The following DNAH8 variants were observed in gnomAD, a reference collection of about 807,000 sequenced individuals.
DNAH8 encodes axonemal beta dynein heavy chain 8.
A neutral mutation model predicts 562.1 loss-of-function variants in DNAH8; 382 were observed. That is an observed-to-expected ratio of 0.68 (90% CI 0.63 to 0.74). The LOEUF (loss-of-function observed/expected upper bound fraction) is 0.74. Ranked by LOEUF, DNAH8 falls within the 30% of genes least tolerant of loss-of-function variation. The pLI, the probability that DNAH8 is intolerant of heterozygous loss-of-function variation, is 0.00. For missense variants in DNAH8, 5,203 were observed against 5,620.4 expected (o/e 0.93, Z 2.37); for synonymous variants, 1,881 against 1,919.4 (o/e 0.98, Z 0.52).
At chr6:38,761,065 A>ATT (rs59866789) in intron 10 of DNAH8, among the ~76,000 whole-genome samples, 9 of 143,982 alleles carry the variant, frequency 6.3e-5, no homozygotes, top group South Asian at 4.4e-4. Context: ...TTTGCTCTTC[A>ATT]TTTTTTTTTT....
intron 17 of DNAH8, 139 bp downstream of exon 17, chr6:38,783,278 T>C: frequency 1.6e-6 from 1 of 629,166 alleles, no homozygotes; most frequent in Non-Finnish European, 2.6e-6. Flanking sequence ...GCTACAGTGG[T>C]TTATTTGTTT....
intron 33 of DNAH8, among the ~76,000 whole-genome samples, chr6:38,838,357 GT>G (rs569470928): frequency 1.3e-5 from 2 of 151,952 alleles, no homozygotes; most frequent in Non-Finnish European, 2.9e-5. Context: ...GCAATTTTGA[GT>G]AACTTTTGTT....
Position 38,723,486 on chromosome 6 carries a change from TATC to T in DNAH8, c.525+18_525+20del. Reference sequence around the variant, plus strand: ...ATTGCCCATCTGTAAGTTTAAGTCTTATCATTATATTTTAATTGCCCTTTGAGT... The same window carrying T: ...ATTGCCCATCTGTAAGTTTAAGTCTTATTATATTTTAATTGCCCTTTGAGT... On this transcript the variant is annotated intron_variant, in intron 3 of 92. Transcript: ENST00000327475. 1 of 1,592,076 alleles carries T rather than the reference TATC, an allele frequency of 6.3e-7. No individual in the cohort carries two copies. Among genetic ancestry groups the T allele is most frequent in the Non-Finnish European group, 8.5e-7 (1 of 1,174,402 alleles).
chr6:38,873,939 G>A (rs993635412), intron 52 of DNAH8, among the ~76,000 whole-genome samples: 3 of 151,926 alleles, frequency 2.0e-5, no homozygotes, highest in African/African-American at 7.2e-5. Context: ...CATATAACAG[G>A]TAAGGAAAAT....
rs767297389 is a variant in DNAH8 at position 38,917,428 on chromosome 6, C to A, written c.10308+22C>A. 9.7e-5 allele frequency: 155 copies of A among 1,604,466 alleles called. 1 individual carries two copies. Among genetic ancestry groups the A allele is most frequent in the Non-Finnish European group, 2.1e-5 (25 of 1,173,460 alleles). ...AAAGGTAAGTAAAATCTATCATTGT[C>A]AATCCTATGAGCTGCATCAGGCGTC... On this transcript the variant is annotated intron_variant, in intron 69 of 92. Transcript: ENST00000327475.
rs923332348 is a variant in DNAH8, at chr6:38,883,320, A to G, written c.8002-2A>G. On this transcript the variant is annotated splice_acceptor_variant, in intron 54 of 92. Coordinates refer to ENST00000327475, the MANE Select transcript of DNAH8 (RefSeq NM_001206927.2). LOFTEE classifies it high-confidence loss of function. Reference sequence around the variant, plus strand: ...TTCAACACTATTATCCTATGATTGCAGGCTGTTTTGCTCACAGGAGAGCAG... The same window carrying G: ...TTCAACACTATTATCCTATGATTGCGGGCTGTTTTGCTCACAGGAGAGCAG... The G allele has an allele frequency of 6.2e-7, 1 of 1,605,050 alleles. No individual in the cohort carries two copies. The highest frequency in any genetic ancestry group is 8.5e-7 in the Non-Finnish European group (1 of 1,176,826).
intron 81 of DNAH8, among the ~76,000 whole-genome samples, chr6:38,950,138 T>C (rs1761760599): frequency 1.3e-5 from 2 of 150,860 alleles, no homozygotes; most frequent in African/African-American, 4.9e-5. Context: ...TTTCTCAGTA[T>C]CCAGTAACTC....
In DNAH8 at chr6:38,850,316, T is replaced by C. The variant is rs1232453453; in HGVS notation, c.5265T>C (p.Asn1755=). The C allele has an allele frequency of 8.1e-6, 13 of 1,613,584 alleles. No individual in the cohort carries two copies. The highest frequency in any genetic ancestry group is 1.0e-5 in the Non-Finnish European group (12 of 1,179,704). The part of the protein sequence containing the change: ...WIKIMQRAHE[N]PNVINCCVGD... The stretch of plus-strand genomic sequence containing the variant: ...AAATAATGCAGCGAGCTCATGAGAA[T>C]CCCAATGTGATTAATTGCTGTGTTG... Residue 1755 remains asparagine, a synonymous_variant, in exon 38 of 93, where the codon AAT becomes AAC. Coordinates refer to ENST00000327475, the MANE Select transcript of DNAH8 (RefSeq NM_001206927.2).
At chr6:38,739,676 C>T (rs1764375726) in intron 7 of DNAH8, among the ~76,000 whole-genome samples, 1 of 152,110 alleles carries the variant, frequency 6.6e-6, no homozygotes, top group African/African-American at 2.4e-5. Context: ...AAACATAGAC[C>T]ATTACCAGCG....
intron 71 of DNAH8, among the ~76,000 whole-genome samples, chr6:38,921,832 G>T (rs1194141967): frequency 6.6e-6 from 1 of 152,182 alleles, no homozygotes; most frequent in Admixed American, 6.5e-5. Flanking sequence ...TCACCTGGGT[G>T]CAGGCGAGCT....
intron 3 of DNAH8, among the ~76,000 whole-genome samples, chr6:38,726,552 G>A (rs1214555868): frequency 6.6e-6 from 1 of 152,214 alleles, no homozygotes; most frequent in African/African-American, 2.4e-5. Flanking sequence ...TAGGCTGCAA[G>A]GAATGGGAAA....
chr6:38,732,224 A>G (rs1763712196), intron 4 of DNAH8, among the ~76,000 whole-genome samples: 1 of 152,210 alleles, frequency 6.6e-6, no homozygotes, highest in African/African-American at 2.4e-5. Flanking sequence ...TGTGATTTTT[A>G]GAAATCATTC....
At position 38,815,553 on chromosome 6, in the gene DNAH8, A is replaced by G. The variant is rs377516809; in HGVS notation, c.3419A>G (p.His1140Arg). 1.7e-3 allele frequency: 2,665 copies of G among 1,614,064 alleles called. 60 individuals carry two copies. The South Asian group carries it at 0.028, about 17-fold the overall frequency. ...CTGGAGGTCAGCAGAGGAGTGGCTC[A>G]CTGGGGGCAACAGCAAATCCGTCCC... ...LTLEVSRGVA[H>R]WGQQQIRPIK... Residue 1140 changes from histidine (H) to arginine (R), a missense_variant, in exon 26 of 93, where the codon CAC (histidine) becomes CGC (arginine). His to Arg is a conservative substitution (Grantham distance 29, BLOSUM62 0). Around this residue, in one of 6 missense-constraint regions of DNAH8, gnomAD observed 2,176 missense variants for 2,365.1 expected, o/e 0.92. Transcript: ENST00000327475.
intron 21 of DNAH8, among the ~76,000 whole-genome samples, chr6:38,801,944 A>G (rs1226962792): frequency 1.5e-5 from 2 of 133,386 alleles, no homozygotes. Context: ...GGCTGCTCCT[A>G]TGTACATTTT....
chr6:38,889,284 T>C (rs1044072597), intron 57 of DNAH8, among the ~76,000 whole-genome samples: 1 of 152,046 alleles, frequency 6.6e-6, no homozygotes, highest in Admixed American at 6.6e-5. Flanking sequence ...ACAGGAAAAA[T>C]ATAATTCCAT....
At chr6:38,937,025 A>T (rs1385098867) in intron 77 of DNAH8, among the ~76,000 whole-genome samples, 2 of 152,182 alleles carry the variant, frequency 1.3e-5, no homozygotes, top group African/African-American at 4.8e-5. Context: ...ACAATAATAA[A>T]AAAAAAGGAT....
intron 86 of DNAH8, 41 bp downstream of exon 86, chr6:38,982,503 T>G: frequency 9.5e-7 from 1 of 1,055,728 alleles, no homozygotes. Context: ...TTATTGCTCT[T>G]CTTAAATCAG....
At chr6:39,015,603 T>C (rs750324425) in intron 91 of DNAH8, among the ~76,000 whole-genome samples, 1 of 152,210 alleles carries the variant, frequency 6.6e-6, no homozygotes, top group Non-Finnish European at 1.5e-5. Context: ...GCCATGATTG[T>C]AAGTTTCTTG....
At chr6:38,833,924 C>A (rs1323822789) in intron 31 of DNAH8, among the ~76,000 whole-genome samples, 3 of 152,076 alleles carry the variant, frequency 2.0e-5, no homozygotes, top group South Asian at 2.1e-4. Flanking sequence ...TTCATTTTTC[C>A]ATTGGGAGTA....
Sources: gnomAD v4.1 joint callset for allele counts (sites outside exome capture counted in the v4.1 genomes callset) on GRCh38, gnomAD v4.1.1 for gene constraint, gnomAD v4.1.1 regional missense constraint, MANE v1.5 for transcripts, NCBI Gene and HGNC (gene_info 2026-07-23, HGNC 2026-07-21) for gene names.